The following USP15 variants were observed in gnomAD, a reference collection of about 807,000 sequenced individuals.
USP15 encodes ubiquitin carboxyl-terminal hydrolase 15.
USP15 carries 18 observed loss-of-function variants against 127.1 expected under a neutral mutation model. The observed-to-expected ratio is 0.14, with a 90% CI of 0.10 to 0.21. The LOEUF (loss-of-function observed/expected upper bound fraction) is 0.21, where lower values mean the gene tolerates loss of function less well. USP15 is among the 10% of genes least tolerant of loss of function. The pLI, the probability that USP15 is intolerant of heterozygous loss-of-function variation, is 1.00. For missense variants in USP15, 805 were observed against 1,159.9 expected (o/e 0.69, Z 4.44); for synonymous variants, 364 against 393.7 (o/e 0.92, Z 0.89).
chr12:62,304,551 A>G (rs1303473930), intron 3 of USP15: 1 of 267,070 alleles, frequency 3.7e-6, no homozygotes, highest in Non-Finnish European at 7.7e-6. Context: ...CCCAACTTTC[A>G]ATGTTACCCA....
At chr12:62,388,623 G>A (rs1387908943) in intron 11 of USP15, among the ~76,000 whole-genome samples, 1 of 152,156 alleles carries the variant, frequency 6.6e-6, no homozygotes, top group African/African-American at 2.4e-5. Flanking sequence ...TAGCAAGAGT[G>A]GAATGAATAG....
At chr12:62,343,405 T>C (rs2065707641) in intron 6 of USP15, among the ~76,000 whole-genome samples, 1 of 152,094 alleles carries the variant, frequency 6.6e-6, no homozygotes, top group Non-Finnish European at 1.5e-5. Flanking sequence ...CAGCCCCCTT[T>C]CCAGGGGAGC....
At chr12:62,265,735 C>T (rs1475107139) in intron 1 of USP15, among the ~76,000 whole-genome samples, 2 of 152,048 alleles carry the variant, frequency 1.3e-5, no homozygotes, top group African/African-American at 4.8e-5. Context: ...TTTGTGGAGA[C>T]GGGATCTTAC....
At chr12:62,320,306 G>A (rs1162891218) in intron 4 of USP15, among the ~76,000 whole-genome samples, 4 of 151,904 alleles carry the variant, frequency 2.6e-5, no homozygotes, top group African/African-American at 7.3e-5. Context: ...TTCCCCCTTC[G>A]CACTCTCTCC....
chr12:62,370,622 A>C (rs2066632113), intron 8 of USP15, among the ~76,000 whole-genome samples: 1 of 152,182 alleles, frequency 6.6e-6, no homozygotes. Context: ...TACTGTTGTC[A>C]TGATACCACC....
At chr12:62,344,260 A>T (rs1482452154) in intron 6 of USP15, among the ~76,000 whole-genome samples, 1 of 152,212 alleles carries the variant, frequency 6.6e-6, no homozygotes, top group Non-Finnish European at 1.5e-5. Flanking sequence ...TTGGGTCAAC[A>T]CAGCCATTCC....
intron 8 of USP15, among the ~76,000 whole-genome samples, chr12:62,379,364 C>G (rs953190944): frequency 6.6e-6 from 1 of 151,908 alleles, no homozygotes; most frequent in Admixed American, 6.6e-5. Flanking sequence ...AAAGACAGAC[C>G]CTTCTAAGAA....
In USP15 at chr12:62,390,998, A is replaced by G. The variant is rs753508707; in HGVS notation, c.1960+19A>G. 2 of 1,597,140 alleles carry G rather than the reference A, an allele frequency of 1.3e-6. No homozygotes were observed. The highest frequency in any genetic ancestry group is 2.2e-5 in the East Asian group (1 of 44,528). ...TCACCAAGTAAGACTTTTCTGTTAA[A>G]TTGTACAAATGTTTCACTTAGATAA... On this transcript the variant is annotated intron_variant, in intron 15 of 21. Coordinates refer to ENST00000280377, the MANE Select transcript of USP15 (RefSeq NM_001252078.2).
At position 62,401,181 on chromosome 12, in the gene USP15, C is replaced by T. The variant is rs754648084; in HGVS notation, c.2675-6C>T. The T allele has an allele frequency of 3.1e-6, 5 of 1,602,884 alleles. No homozygotes were observed. The highest frequency in any genetic ancestry group is 2.2e-5 in the South Asian group (2 of 90,228). On this transcript the variant is annotated splice_polypyrimidine_tract_variant and splice_region_variant and intron_variant, in intron 20 of 21. Coordinates refer to ENST00000280377, the MANE Select transcript of USP15 (RefSeq NM_001252078.2). Reference sequence around the variant, plus strand: ...TTCGTCACAGTGATTATATTTTTTTCATTAGATACTGCTTTTGCAAAAAAT... The same window carrying T: ...TTCGTCACAGTGATTATATTTTTTTTATTAGATACTGCTTTTGCAAAAAAT...
chr12:62,364,088 T>C (rs753232820), intron 8 of USP15, among the ~76,000 whole-genome samples: 10 of 151,978 alleles, frequency 6.6e-5, no homozygotes, highest in Non-Finnish European at 1.3e-4. Flanking sequence ...GTGTCGTAGG[T>C]GGTGGTTAAA....
chr12:62,276,504 A>C (rs1042194978), intron 1 of USP15, among the ~76,000 whole-genome samples: 1 of 152,066 alleles, frequency 6.6e-6, no homozygotes, highest in Non-Finnish European at 1.5e-5. Flanking sequence ...ATCTTCCAAG[A>C]TATAAAGGGT....
intron 3 of USP15, among the ~76,000 whole-genome samples, chr12:62,309,531 T>C (rs2137228884): frequency 6.6e-6 from 1 of 152,128 alleles, no homozygotes; most frequent in East Asian, 1.9e-4. Context: ...TTTCTGAGAA[T>C]AGAAGCAGTA....
intron 3 of USP15, chr12:62,303,151 C>T (rs2064366853): frequency 3.2e-6 from 1 of 314,806 alleles, no homozygotes; most frequent in Non-Finnish European, 5.9e-6. Flanking sequence ...AGAGAGAAAA[C>T]TCTGTAAGGT....
At position 62,318,536 on chromosome 12, in the gene USP15, A is replaced by G. The variant is rs149689308; in HGVS notation, c.476-2928A>G. 1.6e-3 allele frequency among the ~76,000 whole-genome samples: 248 copies of G among 152,156 alleles called. 3 individuals are homozygous for G. The highest frequency in any genetic ancestry group is 5.7e-3 in the African/African-American group (238 of 41,522). On this transcript the variant is annotated intron_variant, in intron 4 of 21. Transcript: ENST00000280377. The stretch of plus-strand genomic sequence containing the variant: ...AACCTTCTTCATATTCTTTATCTCA[A>G]AATATCAGTGTCTCCATATTCTCCC...
chr12:62,375,966 A>G (rs1592694841), intron 8 of USP15, among the ~76,000 whole-genome samples: 1 of 152,086 alleles, frequency 6.6e-6, no homozygotes, highest in Admixed American at 6.6e-5. Flanking sequence ...TCATTATATC[A>G]TAGTGAATTC....
intron 21 of USP15, among the ~76,000 whole-genome samples, chr12:62,401,592 T>C (rs2067690050): frequency 6.6e-6 from 1 of 151,892 alleles, no homozygotes; most frequent in Non-Finnish European, 1.5e-5. Flanking sequence ...AGACATTGAG[T>C]ACTTAAAGCC....
At chr12:62,294,080 T>C in intron 1 of USP15, 99 bp from the exon 2 acceptor site, 2 of 1,268,914 alleles carry the variant, frequency 1.6e-6, no homozygotes, top group Non-Finnish European at 2.2e-6. Context: ...GAAGTAGATA[T>C]GTCTTTTAAT....
At chr12:62,368,971 T>G (rs533499960) in intron 8 of USP15, among the ~76,000 whole-genome samples, 2 of 152,142 alleles carry the variant, frequency 1.3e-5, no homozygotes, top group East Asian at 3.9e-4. Context: ...TTTTAGTAGC[T>G]AATTTATTTA....
chr12:62,391,754 A>G (rs1418666166), intron 16 of USP15, 62 bp from the exon 17 acceptor site: 35 of 1,383,594 alleles, frequency 2.5e-5, no homozygotes, highest in South Asian at 1.9e-4. Context: ...TCCTAACATT[A>G]AAATATACTT....
Sources: allele counts gnomAD v4.1 joint callset (sites outside exome capture counted in the v4.1 genomes callset), GRCh38; gene constraint gnomAD v4.1.1; transcripts MANE v1.5; gene names NCBI Gene and HGNC (gene_info 2026-07-23, HGNC 2026-07-21).